C12orf56: variants seen among roughly 807,000 people sequenced by gnomAD.
The protein encoded by C12orf56 is chromosome 12 open reading frame 56.
Under a neutral mutation model 69.9 loss-of-function variants are expected in C12orf56, and 71 were observed. The ratio of observed to expected loss-of-function variants is 1.02; its 90% CI spans 0.84 to 1.24. The LOEUF (loss-of-function observed/expected upper bound fraction) is 1.24. C12orf56 is among the 50% of genes most tolerant of loss of function. The pLI is 0.00. For missense variants in C12orf56, 732 were observed against 738.5 expected (o/e 0.99, Z 0.10); for synonymous variants, 276 against 274.1 (o/e 1.01, Z -0.07).
At chr12:64,344,569 GGCCACT>G (rs965203204) in intron 2 of C12orf56, among the ~76,000 whole-genome samples, 2 of 152,072 alleles carry the variant, frequency 1.3e-5, no homozygotes, top group Admixed American at 1.3e-4. Context: ...GCTGCCACTT[GGCCACT>G]GCCACCTCGG....
Position 64,264,817 on chromosome 12 carries a change from AAT to A in C12orf56, c.*2364_*2365del, listed in dbSNP as rs2037903699. ...TTTCTGATCCCAGACTGTGCAAATG[AAT>A]AGACATGAGTTATACAGAGTAGACT... On this transcript the variant is annotated 3_prime_UTR_variant, in exon 13 of 13. Transcript: ENST00000543942. The A allele has an allele frequency of 6.6e-6, 1 of 152,246 alleles. No homozygotes were observed. Among genetic ancestry groups the A allele is most frequent in the Non-Finnish European group, 1.5e-5 (1 of 68,044 alleles). The allele number at this position is 152,246 out of a possible 1,614,324, so 9.4% of individuals were successfully genotyped here. A position where few individuals can be genotyped will look rare whatever the true frequency, so the allele number is the denominator to read the frequency against.
At chr12:64,362,681 G>A (rs2039414575) in intron 1 of C12orf56, among the ~76,000 whole-genome samples, 1 of 152,056 alleles carries the variant, frequency 6.6e-6, no homozygotes, top group Admixed American at 6.6e-5. Context: ...GACAGAACAA[G>A]ACTCCATCTC....
intron 1 of C12orf56, among the ~76,000 whole-genome samples, chr12:64,383,186 G>A (rs2039743679): frequency 6.6e-6 from 1 of 151,750 alleles, no homozygotes; most frequent in Admixed American, 6.6e-5. Flanking sequence ...GCATGGTGGA[G>A]TGTGCCTGTA....
intron 6 of C12orf56, among the ~76,000 whole-genome samples, chr12:64,287,261 A>AAAGAAGAAGAAGAAGAAGAAGAAGAAG (rs1170967895): frequency 4.4e-5 from 3 of 67,584 alleles, no homozygotes; most frequent in African/African-American, 1.8e-4. Context: ...AAAAAAAAAA[A>AAAGAAGAAGAAGAAGAAGAAGAAGAAG]AAGAAGAAGA....
chr12:64,329,493 GTTTATTTATTTATTTATTTA>G (rs148485048), intron 3 of C12orf56, among the ~76,000 whole-genome samples: 2 of 147,874 alleles, frequency 1.4e-5, no homozygotes, highest in Admixed American at 6.7e-5. Context: ...TGTAGTAATG[GTTTATTTATTTATTTATTTA>G]TTTATTTATT....
chr12:64,298,593 G>C (rs1335557144), intron 6 of C12orf56, among the ~76,000 whole-genome samples: 17 of 152,088 alleles, frequency 1.1e-4, no homozygotes, highest in African/African-American at 3.9e-4. Flanking sequence ...TCAGTTTTCT[G>C]CATATGGCTA....
chr12:64,349,769 T>C (rs934861535), intron 2 of C12orf56, among the ~76,000 whole-genome samples: 3 of 152,122 alleles, frequency 2.0e-5, no homozygotes, highest in Admixed American at 2.0e-4. Flanking sequence ...TGATTTGTGG[T>C]AGCTAACCTA....
Position 64,330,995 on chromosome 12 carries a change from G to T in C12orf56, c.453C>A (p.Ser151Arg). 1 of 1,556,210 alleles carries T rather than the reference G, an allele frequency of 6.4e-7. No homozygotes were observed. The highest frequency in any genetic ancestry group is 8.7e-7 in the Non-Finnish European group (1 of 1,149,252). ...ATTCTTTCAGACTTCTGGACTCTTT[G>T]CTTCTCCAAAAGGCAAGGCCGTTCT... ...EEKNGLAFWR[S>R]KESRSLKESP... Residue 151 changes from serine to arginine, a missense_variant, in exon 3 of 13, where the codon AGC becomes AGA. Coordinates refer to ENST00000543942, the MANE Select transcript of C12orf56 (RefSeq NM_001170633.2).
chr12:64,386,924 C>T (rs991667820), intron 1 of C12orf56, among the ~76,000 whole-genome samples: 3 of 151,270 alleles, frequency 2.0e-5, no homozygotes, highest in Non-Finnish European at 2.9e-5. Flanking sequence ...ACTAAAACTA[C>T]AAAAATTAGC....
chr12:64,318,873 G>A lies in C12orf56; in HGVS notation c.596C>T (p.Ser199Phe). ...HGQGAFRPLP[S>F]PSRRSSQSAP... ...AGACTGAGAGCTCCTCCTGGAGGGG[G>A]AAGGTAGGGGTCGAAAGGCACCTTG... Residue 199 changes from serine to phenylalanine, a missense_variant, in exon 4 of 13, where the codon TCC becomes TTC. Ser to Phe is a radical substitution (Grantham distance 155). Transcript: ENST00000543942. 6.5e-7 allele frequency: 1 copy of A among 1,537,222 alleles called. No homozygotes were observed. The highest frequency in any genetic ancestry group is 1.4e-5 in the African/African-American group (1 of 73,166).
At chr12:64,358,546 C>T (rs547994379) in intron 1 of C12orf56, among the ~76,000 whole-genome samples, 1 of 147,090 alleles carries the variant, frequency 6.8e-6, no homozygotes, top group Admixed American at 7.0e-5. Context: ...GTGATTGCAG[C>T]ACTTTGGGAG....
rs1555188292 is a variant in C12orf56, at chr12:64,308,980, G to GAAAGAAAGAAAGAGAAAGAAAGA, written c.968+3698_968+3699insTCTTTCTTTCTCTTTCTTTCTTT. On this transcript the variant is annotated intron_variant, in intron 5 of 12. Transcript: ENST00000543942. ...GAAAGAAAGAAAGAAAGAAAAGAAA[G>GAAAGAAAGAAAGAGAAAGAAAGA]AAAGAAAAGAAAGAAGGAAAGAAAG... Among the ~76,000 whole-genome samples the GAAAGAAAGAAAGAGAAAGAAAGA allele has an allele frequency of 2.9e-3, 349 of 121,666 alleles. 11 individuals carry two copies. The highest frequency in any genetic ancestry group is 9.5e-3 in the African/African-American group (327 of 34,532). 79.8% of individuals were successfully genotyped at this position (121,666 alleles called of 152,430 possible). A position where few individuals can be genotyped will look rare whatever the true frequency, so the allele number is the denominator to read the frequency against.
intron 4 of C12orf56, among the ~76,000 whole-genome samples, chr12:64,315,266 A>T (rs1338340526): frequency 6.7e-6 from 1 of 148,544 alleles, no homozygotes; most frequent in Non-Finnish European, 1.5e-5. Flanking sequence ...GTGGCAAGGG[A>T]GATATGTGCT....
intron 1 of C12orf56, among the ~76,000 whole-genome samples, chr12:64,376,058 A>T (rs1337103729): frequency 3.7e-5 from 2 of 53,764 alleles, no homozygotes; most frequent in African/African-American, 9.8e-5. Context: ...CAGCAAATAG[A>T]TGAGATGCAC....
At chr12:64,307,648 C>T (rs1055563702) in intron 5 of C12orf56, among the ~76,000 whole-genome samples, 5 of 152,010 alleles carry the variant, frequency 3.3e-5, no homozygotes, top group East Asian at 3.9e-4. Flanking sequence ...GGATTACAGG[C>T]GTGAGCCACC....
Position 64,267,233 on chromosome 12 carries a change from T to A in C12orf56, c.1819A>T (p.Thr607Ser). ...QKRLPLCYPI[T>S]QPTIQLFHEV... ...TGAAAAAGTTGAATGGTAGGTTGAG[T>A]GATGGGGTAACACAATGGGAGCCTT... Residue 607 changes from threonine (T) to serine (S), a missense_variant, in exon 13 of 13, where the codon ACT (threonine) becomes TCT (serine). Physicochemically the swap from Thr to Ser is moderately conservative, Grantham distance 58. Coordinates refer to ENST00000543942, the MANE Select transcript of C12orf56 (RefSeq NM_001170633.2). The A allele has an allele frequency of 1.2e-6, 2 of 1,612,672 alleles. No individual in the cohort carries two copies. Among genetic ancestry groups the A allele is most frequent in the Non-Finnish European group, 1.7e-6 (2 of 1,179,434 alleles).
At chr12:64,325,372 A>AAAGAAGAAG (rs537880682) in intron 3 of C12orf56, among the ~76,000 whole-genome samples, 353 of 141,396 alleles carry the variant, frequency 2.5e-3, no homozygotes, top group African/African-American at 6.4e-3. Context: ...AAAAAAAAAA[A>AAAGAAGAAG]AAGAAGAAGA....
intron 2 of C12orf56, among the ~76,000 whole-genome samples, chr12:64,339,809 C>A (rs1321568637): frequency 2.6e-5 from 4 of 152,028 alleles, no homozygotes; most frequent in African/African-American, 4.8e-5. Flanking sequence ...AATTGTCCCA[C>A]CTTAGCCTCT....
intron 1 of C12orf56, among the ~76,000 whole-genome samples, chr12:64,387,550 G>T (rs1243515272): frequency 1.3e-5 from 2 of 152,174 alleles, no homozygotes; most frequent in African/African-American, 4.8e-5. Flanking sequence ...AGGCACAGTG[G>T]CTCATGCTTG....
Sources: gnomAD v4.1 joint callset for allele counts (sites outside exome capture counted in the v4.1 genomes callset) on GRCh38, gnomAD v4.1.1 for gene constraint, MANE v1.5 for transcripts, NCBI Gene and HGNC (gene_info 2026-07-23, HGNC 2026-07-21) for gene names.